MCTP2: variants seen among roughly 807,000 people sequenced by gnomAD.
MCTP2 encodes the protein multiple C2 and transmembrane domain containing 2, also known as multiple C2 and transmembrane domain-containing protein 2.
A neutral mutation model predicts 111.6 loss-of-function variants in MCTP2; 132 were observed. The observed-to-expected ratio is 1.18, with a 90% CI of 1.03 to 1.37. The LOEUF (loss-of-function observed/expected upper bound fraction) is 1.37, where lower values mean the gene tolerates loss of function less well. Ranked by LOEUF, MCTP2 falls within the 40% of genes most tolerant of loss-of-function variation. The pLI is 0.00. For missense variants in MCTP2, 1,183 were observed against 1,067.9 expected, an observed-to-expected ratio of 1.11 and a Z score of -1.50; for synonymous variants, 395 against 387.7, an observed-to-expected ratio of 1.02 and a Z score of -0.22.
intron 2 of MCTP2, among the ~76,000 whole-genome samples, chr15:94,309,839 T>C (rs998956247): frequency 6.6e-6 from 1 of 152,196 alleles, no homozygotes; most frequent in African/African-American, 2.4e-5. Flanking sequence ...GCAAAGTTGC[T>C]TTTATTTAAA....
chr15:94,257,291 C>G (rs2072838998), intron 1 of MCTP2, among the ~76,000 whole-genome samples: 1 of 152,062 alleles, frequency 6.6e-6, no homozygotes, highest in Non-Finnish European at 1.5e-5. Flanking sequence ...CACTAGCTTC[C>G]CAAAGGCAGG....
chr15:94,479,055 A>G lies in MCTP2; in HGVS notation c.*21A>G, dbSNP rs2074597585. 1.9e-6 allele frequency: 3 copies of G among 1,612,108 alleles called. No individual in the cohort carries two copies. Among genetic ancestry groups the G allele is most frequent in the Non-Finnish European group, 2.5e-6 (3 of 1,178,420 alleles). The stretch of plus-strand genomic sequence containing the variant: ...TCTAGGGCACACACCGACTTTGGAC[A>G]GCAGCACCCAATATTGTGTTTGGTT... On this transcript the variant is annotated 3_prime_UTR_variant, in exon 23 of 23. Transcript: ENST00000357742.
At chr15:94,249,969 A>G (rs2152265363) in intron 1 of MCTP2, among the ~76,000 whole-genome samples, 1 of 152,242 alleles carries the variant, frequency 6.6e-6, no homozygotes, top group South Asian at 2.1e-4. Flanking sequence ...TTATTACAAA[A>G]CATTATGTCA....
At chr15:94,272,499 T>A (rs555787996) in intron 1 of MCTP2, among the ~76,000 whole-genome samples, 1 of 152,266 alleles carries the variant, frequency 6.6e-6, no homozygotes, top group Admixed American at 6.5e-5. Context: ...TTCATTTCCT[T>A]CTTTCCCACT....
intron 17 of MCTP2, among the ~76,000 whole-genome samples, chr15:94,430,969 C>G (rs757632530): frequency 6.6e-5 from 10 of 152,112 alleles, no homozygotes; most frequent in Non-Finnish European, 1.5e-5. Context: ...ATACTCCTTC[C>G]CTTCCTTGTC....
chr15:94,240,803 A>G (rs1012331082), intron 1 of MCTP2, among the ~76,000 whole-genome samples: 2 of 152,182 alleles, frequency 1.3e-5, no homozygotes, highest in South Asian at 2.1e-4. Flanking sequence ...TCACATCTAA[A>G]TATTACTACA....
intron 4 of MCTP2, 42 bp downstream of exon 4, chr15:94,315,679 T>A: frequency 7.3e-7 from 1 of 1,376,258 alleles, no homozygotes; most frequent in Non-Finnish European, 1.0e-6. Context: ...CCTGGAAACT[T>A]CTTTCTCTCT....
At chr15:94,422,766 A>G (rs1000887422) in intron 17 of MCTP2, among the ~76,000 whole-genome samples, 4 of 152,124 alleles carry the variant, frequency 2.6e-5, no homozygotes, top group African/African-American at 9.7e-5. Flanking sequence ...ATATTTTACC[A>G]TCTCCAAGCA....
chr15:94,255,481 T>A (rs2072705470), intron 1 of MCTP2, among the ~76,000 whole-genome samples: 1 of 109,886 alleles, frequency 9.1e-6, no homozygotes, highest in East Asian at 2.3e-4. Flanking sequence ...TCATAGCACT[T>A]ATGACTGACA....
chr15:94,343,347 T>C (rs1225218057), intron 7 of MCTP2: 1 of 152,118 alleles, frequency 6.6e-6, no homozygotes, highest in Non-Finnish European at 1.5e-5. Flanking sequence ...AGTAGATTAT[T>C]TGGGTGAGAT....
chr15:94,379,786 A>G (rs2080011504), intron 12 of MCTP2, among the ~76,000 whole-genome samples: 1 of 145,424 alleles, frequency 6.9e-6, no homozygotes, highest in South Asian at 2.1e-4. Flanking sequence ...ATATATAATT[A>G]TATATGATAT....
chr15:94,417,605 T>C (rs1453886941), intron 17 of MCTP2, among the ~76,000 whole-genome samples: 1 of 152,130 alleles, frequency 6.6e-6, no homozygotes, highest in Non-Finnish European at 1.5e-5. Context: ...CTTGGACTCC[T>C]CTTGATCAGA....
At chr15:94,334,486 T>G (rs925016120) in intron 4 of MCTP2, among the ~76,000 whole-genome samples, 10 of 152,234 alleles carry the variant, frequency 6.6e-5, no homozygotes, top group African/African-American at 2.4e-4. Flanking sequence ...ATGTTTTCTA[T>G]ATTTAAATAC....
intron 12 of MCTP2, among the ~76,000 whole-genome samples, chr15:94,377,429 T>G (rs16949054): frequency 0.21 from 32,665 of 152,084 alleles, 4,555 homozygotes; most frequent in African/African-American, 0.38. Flanking sequence ...TCAACTGCCT[T>G]CCAGAGAACA....
At chr15:94,429,970 T>G (rs1466149187) in intron 17 of MCTP2, among the ~76,000 whole-genome samples, 1 of 152,200 alleles carries the variant, frequency 6.6e-6, no homozygotes, top group Non-Finnish European at 1.5e-5. Context: ...TTTTATCTTC[T>G]CATCTAAACT....
intron 1 of MCTP2, among the ~76,000 whole-genome samples, chr15:94,256,299 T>C (rs1596195529): frequency 6.6e-6 from 1 of 152,136 alleles, no homozygotes; most frequent in East Asian, 1.9e-4. Flanking sequence ...CCCCAAGACA[T>C]CTCATTATGT....
At chr15:94,303,978 T>G (rs1407142705) in intron 2 of MCTP2, among the ~76,000 whole-genome samples, 1 of 152,188 alleles carries the variant, frequency 6.6e-6, no homozygotes, top group Non-Finnish European at 1.5e-5. Context: ...AAATTGGTCC[T>G]GGGCAAGGGC....
intron 17 of MCTP2, among the ~76,000 whole-genome samples, chr15:94,412,768 C>T (rs28411056): frequency 0.012 from 1,868 of 152,046 alleles, 34 homozygotes; most frequent in African/African-American, 0.043. Flanking sequence ...CATTTTGTGT[C>T]CCATAGCAAG....
At chr15:94,292,899 A>G (rs1336409056) in intron 1 of MCTP2, 2 of 152,232 alleles carry the variant, frequency 1.3e-5, no homozygotes, top group East Asian at 1.9e-4. Flanking sequence ...GAAAGGAATA[A>G]TGAGTCAAGG....
Sources: allele counts gnomAD v4.1 joint callset (sites outside exome capture counted in the v4.1 genomes callset), GRCh38; gene constraint gnomAD v4.1.1; transcripts MANE v1.5; gene names NCBI Gene and HGNC (gene_info 2026-07-23, HGNC 2026-07-21).